Variants in MGA observed in about 807,000 individuals in gnomAD.
The protein encoded by MGA is MAX gene-associated protein.
MGA carries 40 observed loss-of-function variants against 261.1 expected under a neutral mutation model. That is an observed-to-expected ratio of 0.15 (90% CI 0.12 to 0.20). The LOEUF (loss-of-function observed/expected upper bound fraction) is 0.20. Ranked by LOEUF, MGA falls within the 10% of genes least tolerant of loss-of-function variation. The probability of loss-of-function intolerance (pLI) is 1.00; values close to 1 mark genes in which losing one functional copy is unlikely to be tolerated. For synonymous variants in MGA, 1,302 were observed against 1,290.6 expected (o/e 1.01, Z -0.19); for missense variants, 3,397 against 3,630.5 (o/e 0.94, Z 1.65).
intron 9 of MGA, among the ~76,000 whole-genome samples, chr15:41,722,880 ATT>A (rs750313143): frequency 3.1e-4 from 47 of 152,210 alleles, no homozygotes; most frequent in Non-Finnish European, 6.2e-4. Flanking sequence ...GTTACTGTCA[ATT>A]TGATAAAACA....
In MGA at chr15:41,766,037, T is replaced by A. The variant is rs2063781630; in HGVS notation, c.7955T>A (p.Val2652Asp). ...GACTTATTTATGATGCCACGAATTG[T>A]TAATGTGACATCATTGGCCACAGAG... is the stretch of plus-strand genomic sequence containing the variant. The change falls in exon 24 of 24, where the codon GTT (valine) becomes GAT (aspartate). Residue 2652 changes from valine (V) to aspartate (D), a missense_variant. Around this residue, in one of 9 missense-constraint regions of MGA, gnomAD observed 647 missense variants for 642.4 expected, o/e 1.01. Coordinates refer to ENST00000219905, the MANE Select transcript of MGA (RefSeq NM_001164273.2). 2.5e-6 allele frequency: 4 copies of A among 1,612,052 alleles called. No individual in the cohort carries two copies. The highest frequency in any genetic ancestry group is 3.4e-6 in the Non-Finnish European group (4 of 1,179,278).
chr15:41,749,015 T>C, intron 16 of MGA, 88 bp downstream of exon 16: 1 of 1,542,414 alleles, frequency 6.5e-7, no homozygotes, highest in Non-Finnish European at 8.7e-7. Context: ...TTTCTTCATC[T>C]CTTAAGAGTT....
intron 1 of MGA, among the ~76,000 whole-genome samples, chr15:41,627,887 A>G (rs1322754599): frequency 1.3e-5 from 2 of 152,234 alleles, no homozygotes; most frequent in Non-Finnish European, 2.9e-5. Flanking sequence ...TAGGAAAGGA[A>G]TTATTCAATT....
intron 18 of MGA, among the ~76,000 whole-genome samples, chr15:41,755,325 A>G (rs989864840): frequency 1.3e-5 from 2 of 152,222 alleles, no homozygotes; most frequent in Non-Finnish European, 2.9e-5. Flanking sequence ...AAGTTGAAGG[A>G]GTAGAAAGTA....
chr15:41,736,799 C>A, intron 13 of MGA, 101 bp downstream of exon 13: 1 of 1,299,250 alleles, frequency 7.7e-7, no homozygotes, highest in Non-Finnish European at 1.0e-6. Context: ...TTTATCTTGA[C>A]ATTTCCTGGG....
At chr15:41,739,149 C>A (rs376443417) in intron 13 of MGA, among the ~76,000 whole-genome samples, 2 of 151,614 alleles carry the variant, frequency 1.3e-5, no homozygotes, top group African/African-American at 4.8e-5. Context: ...GAAAAGAAAT[C>A]AACCCCCACA....
At position 41,748,732 on chromosome 15, in the gene MGA, G is replaced by C; in HGVS notation, c.5308G>C (p.Gly1770Arg). Residue 1770 changes from glycine (G) to arginine (R), a missense_variant, in exon 16 of 24, where the codon GGT becomes CGT. Physicochemically the swap from Gly to Arg is moderately radical, Grantham distance 125 (BLOSUM62 -2). Coordinates refer to ENST00000219905, the MANE Select transcript of MGA (RefSeq NM_001164273.2). ...ATTGTTGTTGATTCCAGTGCAGCAG[G>C]GTTCTCCTACTCTTAGACCTGTCTC... is the stretch of plus-strand genomic sequence containing the variant. The C allele has an allele frequency of 1.2e-6, 2 of 1,613,962 alleles. No individual in the cohort carries two copies. The highest frequency in any genetic ancestry group is 8.5e-7 in the Non-Finnish European group (1 of 1,179,884).
At chr15:41,677,815 T>C (rs2058465527) in intron 2 of MGA, among the ~76,000 whole-genome samples, 1 of 152,236 alleles carries the variant, frequency 6.6e-6, no homozygotes, top group Non-Finnish European at 1.5e-5. Flanking sequence ...GAGTTCTTTA[T>C]ATATTTTGGA....
Position 41,676,444 on chromosome 15 carries a change from G to A in MGA, c.1064+6486G>A, listed in dbSNP as rs549900032. On this transcript the variant is annotated intron_variant, in intron 2 of 23. Transcript: ENST00000219905. The stretch of plus-strand genomic sequence containing the variant: ...GCCGGGATTACAGGCGTGAGCCACC[G>A]TGCCTGGCCTGGTTTGATATATTTA... Among the ~76,000 whole-genome samples the A allele has an allele frequency of 5.2e-4, 79 of 152,354 alleles. 3 individuals carry two copies. The South Asian group carries it at 0.016, about 31-fold the overall frequency.
Position 41,736,604 on chromosome 15 carries a change from G to A in MGA, c.4340G>A (p.Gly1447Asp). ...TCAGTGAGGGAGAGATTACATGGAG[G>A]CAAAGGTCTGCCTTTTTATGCAGGG... Residue 1447 changes from glycine to aspartate, a missense_variant, in exon 13 of 24, where the codon GGC becomes GAC. Gly to Asp is a moderately conservative substitution (Grantham distance 94). Coordinates refer to ENST00000219905, the MANE Select transcript of MGA (RefSeq NM_001164273.2). The A allele has an allele frequency of 6.2e-7, 1 of 1,614,014 alleles. No individual in the cohort carries two copies. Among genetic ancestry groups the A allele is most frequent in the Non-Finnish European group, 8.5e-7 (1 of 1,179,900 alleles).
At chr15:41,734,738 G>A in intron 12 of MGA, 144 bp downstream of exon 12, 1 of 619,812 alleles carries the variant, frequency 1.6e-6, no homozygotes, top group South Asian at 2.7e-5. Flanking sequence ...GGGACAATAA[G>A]TAAAAGTTTT....
At chr15:41,641,944 C>A (rs748968629) in intron 1 of MGA, among the ~76,000 whole-genome samples, 2 of 151,964 alleles carry the variant, frequency 1.3e-5, no homozygotes, top group Non-Finnish European at 2.9e-5. Context: ...TACAGGTGCA[C>A]GCCACCACAC....
At chr15:41,708,010 A>G in intron 6 of MGA, 94 bp from the exon 7 acceptor site, 1 of 1,364,916 alleles carries the variant, frequency 7.3e-7, no homozygotes, top group South Asian at 1.4e-5. Context: ...TAAGTGATTT[A>G]TACACTTACC....
At chr15:41,639,314 C>T (rs1351406550) in intron 1 of MGA, among the ~76,000 whole-genome samples, 2 of 152,040 alleles carry the variant, frequency 1.3e-5, no homozygotes, top group African/African-American at 2.4e-5. Context: ...CTCCGTGAGT[C>T]TTTTCCTCCC....
rs2151993408 is a variant in MGA, at chr15:41,760,472, G to C, written c.7341G>C (p.Lys2447Asn). 1 of 1,614,014 alleles carries C rather than the reference G, an allele frequency of 6.2e-7. No homozygotes were observed. The highest frequency in any genetic ancestry group is 2.2e-5 in the East Asian group (1 of 44,890). Residue 2447 changes from lysine (K) to asparagine (N), a missense_variant, in exon 20 of 24, where the codon AAG becomes AAC. Lys to Asn is a moderately conservative substitution (Grantham distance 94). This residue lies in a region of MGA where 50 missense variants were observed against 121.5 expected (regional missense o/e 0.41). Transcript: ENST00000219905. ...TGAGGGATCTCTTTGAGAAATTAAA[G>C]ATCACATTGGGATTACTTCATTCTT...
Position 41,684,990 on chromosome 15 carries a change from C to A in MGA, c.1065-11085C>A, listed in dbSNP as rs555203917. Among the ~76,000 whole-genome samples the A allele has an allele frequency of 1.1e-3, 168 of 152,028 alleles. 1 individual carries two copies. Among genetic ancestry groups the A allele is most frequent in the Admixed American group, 2.5e-3 (38 of 15,270 alleles). On this transcript the variant is annotated intron_variant, in intron 2 of 23. Transcript: ENST00000219905. The stretch of plus-strand genomic sequence containing the variant: ...GAGTTAACACTTAAAATGTGGGTGG[C>A]TTTTATATTATGTAACTTATACAGT...
At chr15:41,699,593 C>T (rs1447319605) in intron 5 of MGA, among the ~76,000 whole-genome samples, 1 of 152,202 alleles carries the variant, frequency 6.6e-6, no homozygotes, top group African/African-American at 2.4e-5. Context: ...GCTCCGCCTC[C>T]TGGGTTCATG....
intron 2 of MGA, chr15:41,691,579 G>T: frequency 2.0e-6 from 1 of 488,780 alleles, no homozygotes; most frequent in Non-Finnish European, 4.4e-6. Flanking sequence ...AGTAGACGTG[G>T]CAAGAACTGA....
chr15:41,628,359 T>C (rs2056507389), intron 1 of MGA, among the ~76,000 whole-genome samples: 1 of 132,364 alleles, frequency 7.6e-6, no homozygotes, highest in South Asian at 2.3e-4. Flanking sequence ...AGAGCAAGAC[T>C]CTGTATCCAA....
Sources: allele counts gnomAD v4.1 joint callset (sites outside exome capture counted in the v4.1 genomes callset), GRCh38; gene constraint gnomAD v4.1.1; regional missense constraint gnomAD v4.1.1; transcripts MANE v1.5; gene names NCBI Gene and HGNC (gene_info 2026-07-23, HGNC 2026-07-21).